Variants in RAD23B observed in about 807,000 individuals in gnomAD.
The protein encoded by RAD23B is lysine-specific demethylase RAD23B.
RAD23B carries 5 observed loss-of-function variants against 49.1 expected under a neutral mutation model. The ratio of observed to expected loss-of-function variants is 0.10; its 90% confidence interval spans 0.05 to 0.21. The LOEUF (loss-of-function observed/expected upper bound fraction) is 0.21, where lower values mean the gene tolerates loss of function less well. RAD23B is among the 10% of genes least tolerant of loss of function. The pLI is 1.00. For synonymous variants in RAD23B, 184 were observed against 165.4 expected (o/e 1.11, Z -0.86); for missense variants, 356 against 486.7 (o/e 0.73, Z 2.53).
chr9:107,288,814 A>G (rs1178731575), intron 1 of RAD23B, among the ~76,000 whole-genome samples: 1 of 152,172 alleles, frequency 6.6e-6, no homozygotes, highest in Non-Finnish European at 1.5e-5. Context: ...GGGAACTGCT[A>G]GAGCAAAGAC....
intron 1 of RAD23B, among the ~76,000 whole-genome samples, chr9:107,291,596 G>T (rs989604183): frequency 2.0e-5 from 3 of 152,088 alleles, no homozygotes; most frequent in Admixed American, 2.0e-4. Flanking sequence ...TTTCCTATTT[G>T]TACTGAAGTC....
At chr9:107,324,680 A>T (rs780614973) in intron 8 of RAD23B, among the ~76,000 whole-genome samples, 154 bp from the exon 9 acceptor site, 1 of 152,232 alleles carries the variant, frequency 6.6e-6, no homozygotes, top group African/African-American at 2.4e-5. Context: ...ATTGTATAAG[A>T]AATCACATCC....
chr9:107,323,822 G>A (rs915484907), intron 7 of RAD23B, 68 bp from the exon 8 acceptor site: 1 of 1,392,138 alleles, frequency 7.2e-7, no homozygotes, highest in Non-Finnish European at 1.0e-6. Flanking sequence ...CTGTCTAAAT[G>A]TATTATTTAA....
rs554464031 is a variant in RAD23B, at chr9:107,283,431, C to G, written c.-199C>G. ...GAGTTCGCGGGGAAGGCCGCAGTCG[C>G]GGAGGCAGCGGCGCGGTCCGGGGCA... is the stretch of plus-strand genomic sequence containing the variant. On this transcript the variant is annotated 5_prime_UTR_variant, in exon 1 of 10. Coordinates refer to ENST00000358015, the MANE Select transcript of RAD23B (RefSeq NM_002874.5). The G allele has an allele frequency of 2.3e-6, 1 of 436,432 alleles. No homozygotes were observed. Among genetic ancestry groups the G allele is most frequent in the South Asian group, 7.2e-5 (1 of 13,906 alleles). 27.0% of individuals were successfully genotyped at this position (436,432 alleles called of 1,614,324 possible).
At chr9:107,319,973 G>T (rs1827076767) in intron 6 of RAD23B, among the ~76,000 whole-genome samples, 2 of 152,154 alleles carry the variant, frequency 1.3e-5, no homozygotes, top group Admixed American at 1.3e-4. Context: ...AAAGTTGCCT[G>T]ATTCTAACCC....
rs1308223684 is a variant in RAD23B at position 107,318,366 on chromosome 9, G to A, written c.554-386G>A. Among the ~76,000 whole-genome samples the A allele has an allele frequency of 1.3e-5, 2 of 152,046 alleles. No homozygotes were observed. Among genetic ancestry groups the A allele is most frequent in the African/African-American group, 4.8e-5 (2 of 41,388 alleles). On this transcript the variant is annotated intron_variant, in intron 5 of 9. Coordinates refer to ENST00000358015, the MANE Select transcript of RAD23B (RefSeq NM_002874.5). This position sits in a 1 kb window ranked among gnomAD's most constrained non-coding sequence, Gnocchi z 4.3. ...GCATAACATCTCTCATCCTGGTTTT[G>A]TCTCCTCCTCCTCACACCTGTTTCT...
rs1052369575 is a variant in RAD23B at position 107,331,871 on chromosome 9, A to G, written c.*2215A>G. 1 of 525,486 alleles carries G rather than the reference A, an allele frequency of 1.9e-6. No individual in the cohort carries two copies. Among genetic ancestry groups the G allele is most frequent in the Admixed American group, 3.4e-5 (1 of 29,594 alleles). The allele number at this position is 525,486 out of a possible 1,614,324, so 32.6% of individuals were successfully genotyped here. ...CTTAAAGAATCAGCCGAGACACCAT[A>G]AAAGAAATAGGCTTTTTGTGCCTTT... is the stretch of plus-strand genomic sequence containing the variant. On this transcript the variant is annotated 3_prime_UTR_variant, in exon 10 of 10. Coordinates refer to ENST00000358015, the MANE Select transcript of RAD23B (RefSeq NM_002874.5).
At chr9:107,296,359 A>C (rs1449870769) in intron 1 of RAD23B, among the ~76,000 whole-genome samples, 1 of 152,138 alleles carries the variant, frequency 6.6e-6, no homozygotes, top group East Asian at 1.9e-4. Context: ...GTATTTCTTC[A>C]CTTTCAATGC....
At chr9:107,298,428 C>T (rs1826578652) in intron 1 of RAD23B, among the ~76,000 whole-genome samples, 1 of 151,014 alleles carries the variant, frequency 6.6e-6, no homozygotes, top group African/African-American at 2.4e-5. Context: ...GTACCTCGTC[C>T]TCCCAAGTAG....
intron 1 of RAD23B, among the ~76,000 whole-genome samples, chr9:107,287,196 A>C (rs7031906): frequency 0.75 from 113,356 of 151,712 alleles, 43,298 homozygotes; most frequent in African/African-American, 0.92. Flanking sequence ...TTGCTTAAAA[A>C]CATTAAGAAA....
At chr9:107,325,898 T>C (rs796292013) in intron 9 of RAD23B, among the ~76,000 whole-genome samples, 6 of 152,346 alleles carry the variant, frequency 3.9e-5, no homozygotes, top group African/African-American at 9.6e-5. Context: ...CTTTATCAGA[T>C]TGAAGAAATT....
At chr9:107,290,959 G>T (rs903098100) in intron 1 of RAD23B, among the ~76,000 whole-genome samples, 2 of 152,188 alleles carry the variant, frequency 1.3e-5, no homozygotes, top group Non-Finnish European at 2.9e-5. Flanking sequence ...TCGTACGAAG[G>T]ACACTACACC....
rs1441954996 is a variant in RAD23B at position 107,331,861 on chromosome 9, G to GA, written c.*2206dup. ...TTATCTGCTTCTTAAAGAATCAGCC[G>GA]AGACACCATAAAAGAAATAGGCTTT... On this transcript the variant is annotated 3_prime_UTR_variant, in exon 10 of 10. Transcript: ENST00000358015. The GA allele has an allele frequency of 1.8e-6, 1 of 560,794 alleles. No individual in the cohort carries two copies. The highest frequency in any genetic ancestry group is 2.8e-5 in the East Asian group (1 of 36,190). 34.7% of individuals were successfully genotyped at this position (560,794 alleles called of 1,614,324 possible).
chr9:107,303,788 A>G (rs1826706867), intron 3 of RAD23B, among the ~76,000 whole-genome samples: 1 of 152,186 alleles, frequency 6.6e-6, no homozygotes, highest in Admixed American at 6.5e-5. Context: ...CATAATGGGA[A>G]ATGTGATAGC....
intron 1 of RAD23B, among the ~76,000 whole-genome samples, chr9:107,284,412 T>G (rs758733932): frequency 3.9e-5 from 6 of 151,910 alleles, no homozygotes; most frequent in Non-Finnish European, 8.8e-5. Flanking sequence ...GTTAGAAATC[T>G]TGGAATTGTA....
At chr9:107,303,019 T>C (rs1189269406) in intron 3 of RAD23B, among the ~76,000 whole-genome samples, 1 of 152,220 alleles carries the variant, frequency 6.6e-6, no homozygotes, top group African/African-American at 2.4e-5. Context: ...GAACAATTTA[T>C]AAAATTAAAT....
chr9:107,309,499 C>T (rs899130197), intron 4 of RAD23B, among the ~76,000 whole-genome samples: 21 of 152,072 alleles, frequency 1.4e-4, no homozygotes, highest in Non-Finnish European at 2.8e-4. Context: ...AGAAGGCAAG[C>T]GTTGACATAT....
chr9:107,298,930 G>C (rs188471628), intron 1 of RAD23B, among the ~76,000 whole-genome samples: 69 of 152,024 alleles, frequency 4.5e-4, no homozygotes, highest in African/African-American at 1.7e-3. Context: ...TTCTACTTTG[G>C]GGAACATCAG....
chr9:107,291,946 C>G (rs912036992), intron 1 of RAD23B, among the ~76,000 whole-genome samples: 4 of 152,068 alleles, frequency 2.6e-5, no homozygotes, highest in Non-Finnish European at 5.9e-5. Flanking sequence ...CCAGTTTTCC[C>G]TAAATTACTC....
Sources: gnomAD v4.1 joint callset for allele counts (sites outside exome capture counted in the v4.1 genomes callset) on GRCh38, gnomAD v4.1.1 for gene constraint, Gnocchi (gnomAD v3.1) non-coding constraint, MANE v1.5 for transcripts, NCBI Gene and HGNC (gene_info 2026-07-23, HGNC 2026-07-21) for gene names.